Variants in SPOCK1 observed in about 807,000 individuals in gnomAD.
SPOCK1 encodes the protein testican-1.
In SPOCK1, 23 loss-of-function variants were observed where a neutral mutation model predicts 55.3. The observed-to-expected ratio is 0.42, with a 90% CI of 0.30 to 0.59. The LOEUF (loss-of-function observed/expected upper bound fraction) is 0.59, where lower values mean the gene tolerates loss of function less well. Ranked by LOEUF, SPOCK1 falls within the 20% of genes least tolerant of loss-of-function variation. SPOCK1 has a pLI of 0.22. For synonymous variants in SPOCK1, 226 were observed against 221.0 expected, an observed-to-expected ratio of 1.02 and a Z score of -0.20; for missense variants, 499 against 552.5, an observed-to-expected ratio of 0.90 and a Z score of 0.97.
At chr5:137,158,090 A>ACTTTATGGGCAT (rs964729611) in intron 3 of SPOCK1, among the ~76,000 whole-genome samples, 5 of 152,102 alleles carry the variant, frequency 3.3e-5, no homozygotes, top group Non-Finnish European at 7.4e-5. Context: ...TTGCCACAAA[A>ACTTTATGGGCAT]CTTTATGGGC....
chr5:136,985,133 T>C lies in SPOCK1; in HGVS notation c.991+7A>G. ...TGTTTAAATGAGTGGCAAGAAATTG[T>C]ACTTACCCAACAGGCTTTTCCCCTT... On this transcript the variant is annotated splice_region_variant and intron_variant, in intron 9 of 10. Transcript: ENST00000394945. 6.2e-7 allele frequency: 1 copy of C among 1,614,048 alleles called. No homozygotes were observed. Among genetic ancestry groups the C allele is most frequent in the Non-Finnish European group, 8.5e-7 (1 of 1,179,854 alleles).
At chr5:137,026,093 G>T (rs1335643114) in intron 6 of SPOCK1, among the ~76,000 whole-genome samples, 4 of 152,236 alleles carry the variant, frequency 2.6e-5, no homozygotes, top group Non-Finnish European at 5.9e-5. Context: ...TATACCTGAG[G>T]TCATCTAGCT....
intron 9 of SPOCK1, among the ~76,000 whole-genome samples, chr5:136,981,725 C>G (rs1750734758): frequency 6.6e-6 from 1 of 152,154 alleles, no homozygotes; most frequent in Non-Finnish European, 1.5e-5. Context: ...GTTTGAAAGA[C>G]TACATTCAAT....
intron 2 of SPOCK1, among the ~76,000 whole-genome samples, chr5:137,363,171 G>T (rs1580886671): frequency 6.6e-6 from 1 of 152,292 alleles, no homozygotes; most frequent in East Asian, 1.9e-4. Flanking sequence ...CATAATTTGA[G>T]ATGGGCATCT....
rs181379929 is a variant in SPOCK1, at chr5:137,455,256, A to C, written c.186+43117T>G. Among the ~76,000 whole-genome samples the C allele has an allele frequency of 6.6e-5, 10 of 152,284 alleles. No homozygotes were observed. The East Asian group carries it at 1.9e-3, about 29-fold the overall frequency. ...TGGGTCTATTCACAAATACCACCTT[A>C]TCTTAAGGACAATAAAGTTATCTGA... On this transcript the variant is annotated intron_variant, in intron 2 of 10. Transcript: ENST00000394945.
At chr5:137,032,016 T>G (rs1025445166) in intron 6 of SPOCK1, among the ~76,000 whole-genome samples, 3 of 147,634 alleles carry the variant, frequency 2.0e-5, no homozygotes, top group African/African-American at 7.4e-5. Flanking sequence ...TAAAAAGAAA[T>G]ATATATATAT....
intron 3 of SPOCK1, among the ~76,000 whole-genome samples, chr5:137,235,034 A>G (rs1347935556): frequency 6.6e-6 from 1 of 152,196 alleles, no homozygotes; most frequent in Non-Finnish European, 1.5e-5. Flanking sequence ...GACAAAACCA[A>G]GTGCATGCTT....
rs1489685567 is a variant in SPOCK1 at position 137,120,199 on chromosome 5, T to C, written c.348-7638A>G. 2.2e-4 allele frequency among the ~76,000 whole-genome samples: 33 copies of C among 152,094 alleles called. 2 individuals are homozygous for C. The highest frequency in any genetic ancestry group is 2.2e-3 in the Admixed American group (33 of 15,262). ...GTCACCACACATCCAGGTCAAGACTTGCTCATATCAGGAGAGACAAGCAGG... is the reference window on the plus strand; with the variant it reads ...GTCACCACACATCCAGGTCAAGACTCGCTCATATCAGGAGAGACAAGCAGG... On this transcript the variant is annotated intron_variant, in intron 4 of 10. Transcript: ENST00000394945.
chr5:137,055,441 AC>A (rs1436849327), intron 6 of SPOCK1, among the ~76,000 whole-genome samples: 1 of 152,236 alleles, frequency 6.6e-6, no homozygotes, highest in East Asian at 1.9e-4. Context: ...GAAGCAAGGT[AC>A]ACGAAGTAAC....
intron 2 of SPOCK1, among the ~76,000 whole-genome samples, chr5:137,316,604 T>C (rs865836700): frequency 3.3e-5 from 5 of 152,306 alleles, no homozygotes; most frequent in Middle Eastern, 6.8e-3. Flanking sequence ...AACCTGGCCT[T>C]GGCAGCAGGA....
intron 6 of SPOCK1, among the ~76,000 whole-genome samples, chr5:137,041,630 C>T (rs567065698): frequency 2.0e-5 from 3 of 152,156 alleles, no homozygotes; most frequent in Admixed American, 2.0e-4. Flanking sequence ...ATAAACAACC[C>T]AACTTTAAAA....
chr5:137,227,344 C>T (rs1240793477), intron 3 of SPOCK1, among the ~76,000 whole-genome samples: 1 of 152,188 alleles, frequency 6.6e-6, no homozygotes, highest in East Asian at 1.9e-4. Context: ...ATTTGAGGTA[C>T]TACGTTCTAG....
chr5:137,290,527 G>A (rs889732829), intron 2 of SPOCK1, among the ~76,000 whole-genome samples: 5 of 152,190 alleles, frequency 3.3e-5, no homozygotes, highest in Non-Finnish European at 7.4e-5. Context: ...TCTGTTTCTT[G>A]ATCTCAGGGA....
chr5:137,239,812 G>A (rs1425615837), intron 3 of SPOCK1, among the ~76,000 whole-genome samples: 1 of 152,114 alleles, frequency 6.6e-6, no homozygotes, highest in African/African-American at 2.4e-5. Flanking sequence ...CATTGAATAA[G>A]GGAAACTAGG....
chr5:137,108,801 C>T (rs1031831690), intron 5 of SPOCK1, among the ~76,000 whole-genome samples: 5 of 152,198 alleles, frequency 3.3e-5, no homozygotes, highest in Non-Finnish European at 5.9e-5. Flanking sequence ...GTATATGCCA[C>T]TCCTCTTATG....
At chr5:137,185,199 A>G (rs1313942532) in intron 3 of SPOCK1, among the ~76,000 whole-genome samples, 1 of 152,108 alleles carries the variant, frequency 6.6e-6, no homozygotes, top group African/African-American at 2.4e-5. Flanking sequence ...CAGAAAAGAA[A>G]CTGCCTCTTT....
At chr5:137,099,794 G>T (rs7701979) in intron 5 of SPOCK1, among the ~76,000 whole-genome samples, 37,802 of 151,956 alleles carry the variant, frequency 0.25, 5,282 homozygotes, top group Non-Finnish European at 0.32. Flanking sequence ...TCCAGTCAAC[G>T]GAAAGGAGCC....
intron 2 of SPOCK1, among the ~76,000 whole-genome samples, chr5:137,423,805 A>G (rs1752552301): frequency 6.6e-6 from 1 of 152,042 alleles, no homozygotes; most frequent in Non-Finnish European, 1.5e-5. Context: ...CCCACTTTCC[A>G]ACACTCCCCA....
intron 2 of SPOCK1, among the ~76,000 whole-genome samples, chr5:137,338,861 G>C (rs997457452): frequency 6.6e-6 from 1 of 152,100 alleles, no homozygotes; most frequent in East Asian, 1.9e-4. Context: ...CTTTTTGATG[G>C]GGTTGTTTGT....
Sources: allele counts gnomAD v4.1 joint callset (sites outside exome capture counted in the v4.1 genomes callset), GRCh38; gene constraint gnomAD v4.1.1; transcripts MANE v1.5; gene names NCBI Gene and HGNC (gene_info 2026-07-23, HGNC 2026-07-21).